PRDM9: variants seen among roughly 807,000 people sequenced by gnomAD.
PRDM9 encodes histone-lysine N-methyltransferase PRDM9.
Under a neutral mutation model 55.6 loss-of-function variants are expected in PRDM9, and 47 were observed. That is an observed-to-expected ratio of 0.85 (90% CI 0.67 to 1.08). The LOEUF is 1.08. Ranked by LOEUF, PRDM9 falls within the 50% of genes least tolerant of loss-of-function variation. The pLI is 0.00. For synonymous variants in PRDM9, 312 were observed against 375.7 expected, an observed-to-expected ratio of 0.83 and a Z score of 1.96; for missense variants, 867 against 1,040.3, an observed-to-expected ratio of 0.83 and a Z score of 2.29.
chr5:23,518,520 C>T (rs778998015), intron 5 of PRDM9, among the ~76,000 whole-genome samples: 30 of 152,156 alleles, frequency 2.0e-4, no homozygotes, highest in Non-Finnish European at 3.4e-4. Flanking sequence ...AGTAAATAGA[C>T]AGTTCATACT....
At chr5:23,508,844 T>C (rs765153827) in intron 1 of PRDM9, 106 bp from the exon 2 acceptor site, 7 of 657,660 alleles carry the variant, frequency 1.1e-5, no homozygotes, top group Non-Finnish European at 5.2e-6. Flanking sequence ...TCACCAGGAA[T>C]CCACATCTTC....
Position 23,509,067 on chromosome 5 carries a change from G to A in PRDM9, c.34G>A (p.Glu12Lys). 1.2e-6 allele frequency: 2 copies of A among 1,614,162 alleles called. No homozygotes were observed. The highest frequency in any genetic ancestry group is 1.7e-4 in the Middle Eastern group (1 of 6,060). Residue 12 changes from glutamate to lysine, a missense_variant, in exon 2 of 11, where the codon GAA (glutamate) becomes AAA (lysine). By Grantham distance (56) the Glu-to-Lys change is moderately conservative. Transcript: ENST00000296682. ...SPEKSQEESP[E>K]EDTERTERKP... The stretch of plus-strand genomic sequence containing the variant: ...TGAAAAGTCCCAAGAGGAGAGCCCA[G>A]AAGAAGACACAGAGAGAACAGAGCG...
At chr5:23,521,548 G>C (rs1037334291) in intron 6 of PRDM9, among the ~76,000 whole-genome samples, 9 of 152,146 alleles carry the variant, frequency 5.9e-5, no homozygotes, top group African/African-American at 2.2e-4. Flanking sequence ...TTGTTGACCA[G>C]GCTGGTCTCA....
Position 23,509,037 on chromosome 5 carries a change from A to C in PRDM9, c.4A>C (p.Ser2Arg). 4 of 1,614,080 alleles carry C rather than the reference A, an allele frequency of 2.5e-6. No individual in the cohort carries two copies. The East Asian group carries it at 8.9e-5, about 36-fold the overall frequency. M[S>R]PEKSQEESPE... ...CCTTCTAGACAGTCCCAGCACCATG[A>C]GCCCTGAAAAGTCCCAAGAGGAGAG... Residue 2 changes from serine (S) to arginine (R), a missense_variant, in exon 2 of 11, where the codon AGC becomes CGC. This residue lies in a region of PRDM9 where 662 missense variants were observed against 711.9 expected (regional missense o/e 0.93). Transcript: ENST00000296682.
rs1388269552 is a variant in PRDM9 at position 23,509,174 on chromosome 5, T to C, written c.69+72T>C. 4 of 1,585,138 alleles carry C rather than the reference T, an allele frequency of 2.5e-6. No individual in the cohort carries two copies. The Admixed American group carries it at 6.7e-5, about 27-fold the overall frequency. On this transcript the variant is annotated intron_variant, in intron 2 of 10. Transcript: ENST00000296682. ...TCTGGAGTGCTGCAGACTCCTGGCC[T>C]GTACCCTTGGGGGACCCTATCTGAA...
Position 23,526,506 on chromosome 5 carries a change from C to T in PRDM9, c.1418C>T (p.Ser473Leu). 3.7e-6 allele frequency: 6 copies of T among 1,614,012 alleles called. No homozygotes were observed. The highest frequency in any genetic ancestry group is 5.1e-6 in the Non-Finnish European group (6 of 1,179,932). Residue 473 changes from serine to leucine, a missense_variant, in exon 11 of 11, where the codon TCA (serine) becomes TTA (leucine). By Grantham distance (145) the Ser-to-Leu change is moderately radical. Coordinates refer to ENST00000296682, the MANE Select transcript of PRDM9 (RefSeq NM_020227.4). ...LNKRTWQREI[S>L]RAFSSPPKGQ... The stretch of plus-strand genomic sequence containing the variant: ...AAAAGGACATGGCAGAGGGAGATTT[C>T]AAGGGCCTTTTCTAGCCCACCCAAA...
Position 23,522,812 on chromosome 5 carries a change from G to T in PRDM9, c.809G>T (p.Gly270Val). The part of the protein sequence containing the change: ...VWNEASDLPL[G>V]LHFGPYEGRI... ...AATGAGGCATCTGATCTGCCGCTGG[G>T]TCTGCACTTTGGCCCTTATGAGGGC... The change falls in exon 8 of 11, where the codon GGT (glycine) becomes GTT (valine). Residue 270 changes from glycine (G) to valine (V), a missense_variant. Gly to Val is a moderately radical substitution (Grantham distance 109). Transcript: ENST00000296682. The T allele has an allele frequency of 1.9e-6, 3 of 1,614,230 alleles. No homozygotes were observed. The East Asian group carries it at 6.7e-5, about 36-fold the overall frequency.
At position 23,527,935 on chromosome 5, in the gene PRDM9, G is replaced by T. The variant is rs1259667901; in HGVS notation, c.*162G>T. On this transcript the variant is annotated 3_prime_UTR_variant, in exon 11 of 11. Coordinates refer to ENST00000296682, the MANE Select transcript of PRDM9 (RefSeq NM_020227.4). ...CGGAAATAACTGATTAAACAAATCC[G>T]CCACTTTCATGACTAGAGATGAGGA... 9 of 944,396 alleles carry T rather than the reference G, an allele frequency of 9.5e-6. No homozygotes were observed. Among genetic ancestry groups the T allele is most frequent in the Middle Eastern group, 3.2e-4 (1 of 3,078 alleles). The allele number at this position is 944,396 out of a possible 1,614,324, so 58.5% of individuals were successfully genotyped here. A position where few individuals can be genotyped will look rare whatever the true frequency, so the allele number is the denominator to read the frequency against.
rs13154436 is a variant in PRDM9, at chr5:23,527,806, A to G, written c.*33A>G. 49 of 1,613,248 alleles carry G rather than the reference A, an allele frequency of 3.0e-5. No homozygotes were observed. Among genetic ancestry groups the G allele is most frequent in the Non-Finnish European group, 4.2e-5 (49 of 1,179,510 alleles). On this transcript the variant is annotated 3_prime_UTR_variant, in exon 11 of 11. Coordinates refer to ENST00000296682, the MANE Select transcript of PRDM9 (RefSeq NM_020227.4). ...GTAATAAAACCTCATCTCAATAGCC[A>G]CAAAAAGACAAATGTGGTCACCACA...
chr5:23,517,768 C>T (rs1739243107), intron 4 of PRDM9, 113 bp from the exon 5 acceptor site: 2 of 1,085,452 alleles, frequency 1.8e-6, no homozygotes, highest in Admixed American at 1.7e-5. Flanking sequence ...GCCTGGGCGA[C>T]AGAGGGAGAC....
chr5:23,524,288 G>A (rs765551072), intron 9 of PRDM9, 46 bp from the exon 10 acceptor site: 2 of 1,596,772 alleles, frequency 1.3e-6, no homozygotes, highest in South Asian at 2.2e-5. Context: ...TCTGATACTG[G>A]GAACTCACTG....
chr5:23,522,508 G>A (rs574394671), intron 7 of PRDM9, 103 bp downstream of exon 7: 2 of 1,587,838 alleles, frequency 1.3e-6, no homozygotes, highest in South Asian at 1.1e-5. Flanking sequence ...ATGAATTAGA[G>A]TACAGGATTA....
In PRDM9 at chr5:23,521,053, T is replaced by G. The variant is rs754379244; in HGVS notation, c.382T>G (p.Ser128Ala). Residue 128 changes from serine (S) to alanine (A), a missense_variant, in exon 6 of 11, where the codon TCT becomes GCT. Transcript: ENST00000296682. ...GMPKASFSNE[S>A]SLKELSRTAN... ...GCCCAAGGCGTCATTCAGTAATGAATCTAGTTTGAAAGAATTGTCAAGAAC... is the reference window on the plus strand; with the variant it reads ...GCCCAAGGCGTCATTCAGTAATGAAGCTAGTTTGAAAGAATTGTCAAGAAC... 30 of 1,614,062 alleles carry G rather than the reference T, an allele frequency of 1.9e-5. No individual in the cohort carries two copies. In the Admixed American group the frequency reaches 5.0e-4, roughly 27 times the overall value.
Position 23,510,018 on chromosome 5 carries a change from A to G in PRDM9, c.292A>G (p.Arg98Gly). 10 of 1,587,426 alleles carry G rather than the reference A, an allele frequency of 6.3e-6. No homozygotes were observed. The highest frequency in any genetic ancestry group is 7.8e-6 in the Non-Finnish European group (9 of 1,157,964). ...TEDSDEEWTP[R>G]QQVKPPWMAL... The stretch of plus-strand genomic sequence containing the variant: ...AGATTCTGATGAAGAATGGACCCCT[A>G]GGCAGCAAGGTAAGAGGGAAGGGAA... Residue 98 changes from arginine to glycine, a missense_variant, in exon 4 of 11, where the codon AGG becomes GGG. Physicochemically the swap from Arg to Gly is moderately radical, Grantham distance 125. Transcript: ENST00000296682.
At position 23,508,985 on chromosome 5, in the gene PRDM9, C is replaced by T. The variant is rs370799186; in HGVS notation, c.-49C>T. The T allele has an allele frequency of 1.2e-6, 2 of 1,606,914 alleles. No individual in the cohort carries two copies. Among genetic ancestry groups the T allele is most frequent in the African/African-American group, 2.7e-5 (2 of 74,674 alleles). ...CCTAGGAGCTGGGAGACTCAGGGCC[C>T]TTCTCACACTCAGAATTGGAGCAGG... is the stretch of plus-strand genomic sequence containing the variant. On this transcript the variant is annotated 5_prime_UTR_variant, in exon 2 of 11. Transcript: ENST00000296682.
intron 4 of PRDM9, among the ~76,000 whole-genome samples, chr5:23,515,056 C>T (rs1366902523): frequency 2.6e-5 from 4 of 151,938 alleles, no homozygotes; most frequent in Non-Finnish European, 4.4e-5. Flanking sequence ...CTACACCTCC[C>T]GGGTTCCACC....
chr5:23,522,801 T>C lies in PRDM9; in HGVS notation c.798T>C (p.Asp266=). 6.2e-7 allele frequency: 1 copy of C among 1,614,248 alleles called. No homozygotes were observed. Among genetic ancestry groups the C allele is most frequent in the South Asian group, 1.1e-5 (1 of 91,090 alleles). ...TTGGAGTATGGAATGAGGCATCTGA[T>C]CTGCCGCTGGGTCTGCACTTTGGCC... is the stretch of plus-strand genomic sequence containing the variant. ...AGLGVWNEAS[D]LPLGLHFGPY... is the part of the protein sequence containing the mutation. Residue 266 remains aspartate (D), a synonymous_variant, in exon 8 of 11, where the codon GAT becomes GAC. Coordinates refer to ENST00000296682, the MANE Select transcript of PRDM9 (RefSeq NM_020227.4).
chr5:23,521,564 C>T (rs550582547), intron 6 of PRDM9, among the ~76,000 whole-genome samples: 136 of 152,308 alleles, frequency 8.9e-4, no homozygotes, highest in African/African-American at 3.2e-3. Context: ...TCTCAAACTC[C>T]TGGCCTCAAG....
chr5:23,523,639 C>T (rs1463258706), intron 9 of PRDM9, among the ~76,000 whole-genome samples: 3 of 152,148 alleles, frequency 2.0e-5, no homozygotes, highest in Non-Finnish European at 2.9e-5. Context: ...TGAATTCATG[C>T]TTTAATTTAT....
Sources: gnomAD v4.1 joint callset for allele counts (sites outside exome capture counted in the v4.1 genomes callset) on GRCh38, gnomAD v4.1.1 for gene constraint, gnomAD v4.1.1 regional missense constraint, MANE v1.5 for transcripts, NCBI Gene and HGNC (gene_info 2026-07-23, HGNC 2026-07-21) for gene names.